Variants in BCAR1 observed in about 807,000 individuals in gnomAD.
BCAR1 encodes the protein breast cancer anti-estrogen resistance protein 1.
BCAR1 carries 30 observed loss-of-function variants against 67.6 expected under a neutral mutation model. The observed-to-expected ratio is 0.44, with a 90% confidence interval of 0.33 to 0.60. BCAR1 has a LOEUF of 0.60. Among genes scored for constraint, BCAR1 ranks in the 20% least tolerant of loss-of-function variants. The pLI is 0.02. For missense variants in BCAR1, 1,313 were observed against 1,222.3 expected, an observed-to-expected ratio of 1.07 and a Z score of -1.11; for synonymous variants, 626 against 556.7, an observed-to-expected ratio of 1.12 and a Z score of -1.75.
At chr16:75,263,145 G>T in intron 1 of BCAR1, 1 of 938,658 alleles carries the variant, frequency 1.1e-6, no homozygotes, top group African/African-American at 1.8e-5. Flanking sequence ...CAACGAAGGG[G>T]CACAGGAGGA....
intron 1 of BCAR1, among the ~76,000 whole-genome samples, chr16:75,244,943 G>C (rs2870472): frequency 0.88 from 133,816 of 152,310 alleles, 59,215 homozygotes; most frequent in East Asian, 0.98. Flanking sequence ...AATGGAGATA[G>C]TTTCTCTTCC....
At chr16:75,244,086 C>T (rs1306150195) in intron 1 of BCAR1, among the ~76,000 whole-genome samples, 2 of 152,206 alleles carry the variant, frequency 1.3e-5, no homozygotes, top group South Asian at 2.1e-4. Context: ...ACAGGGAAGC[C>T]GGGTGTGAGA....
rs772099048 is a variant in BCAR1 at position 75,229,600 on chromosome 16, C to T, written c.2524G>A (p.Ala842Thr). The change falls in exon 7 of 7, where the codon GCG becomes ACG. Residue 842 changes from alanine (A) to threonine (T), a missense_variant. Ala to Thr is a moderately conservative substitution (Grantham distance 58). Transcript: ENST00000162330. ...ACCCTCTCCACCATGTCCTGGGCCGCGGAAGGCGATGGGTACTGCAAGGCA... is the reference window on the plus strand; with the variant it reads ...ACCCTCTCCACCATGTCCTGGGCCGTGGAAGGCGATGGGTACTGCAAGGCA... ...AAALQYPSPS[A>T]AQDMVERVKE... 7.4e-6 allele frequency: 12 copies of T among 1,611,636 alleles called. No individual in the cohort carries two copies. Among genetic ancestry groups the T allele is most frequent in the Admixed American group, 1.7e-5 (1 of 59,874 alleles).
intron 6 of BCAR1, among the ~76,000 whole-genome samples, chr16:75,231,697 C>A (rs118078362): frequency 6.6e-6 from 1 of 152,188 alleles, no homozygotes; most frequent in East Asian, 1.9e-4. Context: ...TAGTATTCAT[C>A]ACAGCACTGT....
intron 1 of BCAR1, among the ~76,000 whole-genome samples, chr16:75,262,466 C>A (rs183885576): frequency 1.1e-4 from 17 of 152,306 alleles, no homozygotes; most frequent in Non-Finnish European, 1.5e-5. Context: ...ACCTGGTGAA[C>A]GAGGCAGCTG....
intron 6 of BCAR1, among the ~76,000 whole-genome samples, 184 bp from the exon 7 acceptor site, chr16:75,230,207 G>A (rs920330110): frequency 1.3e-5 from 2 of 152,204 alleles, no homozygotes; most frequent in Admixed American, 1.3e-4. Flanking sequence ...AAGCCTTCTG[G>A]AGGTTGTTCA....
At position 75,267,176 on chromosome 16, in the gene BCAR1, A is replaced by G. The variant is rs191161530; in HGVS notation, c.66+739T>C. 4.5e-3 allele frequency among the ~76,000 whole-genome samples: 678 copies of G among 152,220 alleles called. 3 individuals carry two copies. The highest frequency in any genetic ancestry group is 0.014 in the Middle Eastern group (4 of 294). ...TGAGGATCCCAAGAGGCCAGCAGCA[A>G]TGAGGGGGTATGAGGTATGAGAGAA... On this transcript the variant is annotated intron_variant, in intron 1 of 6. Coordinates refer to the BCAR1 transcript ENST00000393422.
rs778343265 is a variant in BCAR1, at chr16:75,242,637, G to C, written c.466C>G (p.Pro156Ala). The change falls in exon 2 of 7, where the codon CCG becomes GCG. Residue 156 changes from proline (P) to alanine (A), a missense_variant. Physicochemically the swap from Pro to Ala is conservative, Grantham distance 27. This residue lies in a region of BCAR1 where 1,272 missense variants were observed against 1,137.5 expected (regional missense o/e 1.12). Transcript: ENST00000162330. Reference sequence around the variant, plus strand: ...AGGTCTGTGGCCGGGCTGGGAAACGGGTGATGGGGTGTCTGCTTCGAGAAG... The same window carrying C: ...AGGTCTGTGGCCGGGCTGGGAAACGCGTGATGGGGTGTCTGCTTCGAGAAG... ...STFSKQTPHH[P>A]FPSPATDLYQ... is the part of the protein sequence containing the mutation. 1 of 1,520,056 alleles carries C rather than the reference G, an allele frequency of 6.6e-7. No individual in the cohort carries two copies. The highest frequency in any genetic ancestry group is 1.3e-5 in the South Asian group (1 of 75,738). 94.2% of individuals were successfully genotyped at this position (1,520,056 alleles called of 1,614,324 possible).
chr16:75,244,790 G>C (rs973221172), intron 1 of BCAR1, among the ~76,000 whole-genome samples: 7 of 152,178 alleles, frequency 4.6e-5, no homozygotes, highest in African/African-American at 1.7e-4. Context: ...CAAGGGCAGA[G>C]GCCCTGGATG....
chr16:75,233,941 G>T lies in BCAR1; in HGVS notation c.2011-6C>A. On this transcript the variant is annotated splice_region_variant and splice_polypyrimidine_tract_variant and intron_variant, in intron 5 of 6. Transcript: ENST00000162330. ...TTCTCAAACTCCTCCTTCCCCTGGA[G>T]GGCAGAGACAGGGGCTGCGCTGAGG... 6.2e-7 allele frequency: 1 copy of T among 1,600,448 alleles called. No individual in the cohort carries two copies. Among genetic ancestry groups the T allele is most frequent in the Non-Finnish European group, 8.5e-7 (1 of 1,173,036 alleles).
rs372050300 is a variant in BCAR1, at chr16:75,243,106, A to G, written c.13-16T>C. The stretch of plus-strand genomic sequence containing the variant: ...CCAGCACGTTCTGGGGAGAGAGGAC[A>G]CAGGTGTGAGAACAGAAGGATGTGC... On this transcript the variant is annotated splice_polypyrimidine_tract_variant and intron_variant, in intron 1 of 6. Transcript: ENST00000162330. 2 of 1,568,780 alleles carry G rather than the reference A, an allele frequency of 1.3e-6. No homozygotes were observed. Among genetic ancestry groups the G allele is most frequent in the South Asian group, 2.4e-5 (2 of 83,606 alleles).
At chr16:75,232,924 C>T (rs529236483) in intron 6 of BCAR1, among the ~76,000 whole-genome samples, 5 of 152,276 alleles carry the variant, frequency 3.3e-5, no homozygotes, top group South Asian at 2.1e-4. Context: ...ATGTTCACTT[C>T]GTGCTATCCT....
intron 1 of BCAR1, among the ~76,000 whole-genome samples, chr16:75,262,134 C>T (rs193006486): frequency 6.6e-6 from 1 of 152,142 alleles, no homozygotes; most frequent in Non-Finnish European, 1.5e-5. Flanking sequence ...CTCCCCACCC[C>T]GCAGCAGCCT....
intron 2 of BCAR1, chr16:75,238,671 G>A (rs1014399061): frequency 2.6e-5 from 26 of 985,896 alleles, no homozygotes; most frequent in South Asian, 1.9e-4. Flanking sequence ...GGGGGCCTCC[G>A]TGGGGTGTCC....
upstream of BCAR1, among the ~76,000 whole-genome samples, chr16:75,255,282 A>G (rs2077749210): frequency 6.6e-6 from 1 of 152,034 alleles, no homozygotes; most frequent in Non-Finnish European, 1.5e-5. Context: ...GACTCGGTTG[A>G]TGGCCAGCTC....
intron 1 of BCAR1, chr16:75,266,042 G>A (rs2078004453): frequency 2.9e-6 from 3 of 1,025,998 alleles, no homozygotes; most frequent in African/African-American, 3.4e-5. Context: ...CCGTCTCCGC[G>A]GCCAGGGACG....
chr16:75,237,969 C>A, intron 2 of BCAR1: 1 of 1,192,670 alleles, frequency 8.4e-7, no homozygotes. Flanking sequence ...AGGCCCCCTC[C>A]CTGCCGCGCC....
upstream of BCAR1, chr16:75,251,740 G>A (rs995757863): frequency 1.5e-5 from 14 of 956,596 alleles, no homozygotes; most frequent in African/African-American, 1.9e-4. Context: ...CCTGTCGGGG[G>A]CGCGGGCGCG....
chr16:75,234,084 CTAGCACACGTGG>C, intron 5 of BCAR1, 149 bp from the exon 6 acceptor site: 1 of 695,336 alleles, frequency 1.4e-6, no homozygotes, highest in Non-Finnish European at 2.5e-6. Flanking sequence ...CACACACACA[CTAGCACACGTGG>C]ACACACACAC....
Sources: allele counts gnomAD v4.1 joint callset (sites outside exome capture counted in the v4.1 genomes callset), GRCh38; gene constraint gnomAD v4.1.1; regional missense constraint gnomAD v4.1.1; transcripts MANE v1.5; gene names NCBI Gene and HGNC (gene_info 2026-07-23, HGNC 2026-07-21).